Variants in ATP8B2 observed in about 807,000 individuals in gnomAD.
The protein encoded by ATP8B2 is phospholipid-transporting ATPase ID.
Under a neutral mutation model 133.4 loss-of-function variants are expected in ATP8B2, and 70 were observed. That is an observed-to-expected ratio of 0.52 (90% CI 0.43 to 0.64). The LOEUF (loss-of-function observed/expected upper bound fraction) is 0.64, where lower values mean the gene tolerates loss of function less well. ATP8B2 is among the 30% of genes least tolerant of loss of function. ATP8B2 has a pLI of 0.00. For synonymous variants in ATP8B2, 517 were observed against 589.5 expected (o/e 0.88, Z 1.78); for missense variants, 1,101 against 1,535.7 (o/e 0.72, Z 4.73).
intron 13 of ATP8B2, 33 bp downstream of exon 13, chr1:154,341,095 C>T (rs1251894634): frequency 6.2e-7 from 1 of 1,609,218 alleles, no homozygotes; most frequent in Non-Finnish European, 8.5e-7. Context: ...TGGGGGCTTG[C>T]ACCTCGCCTG....
Position 154,349,046 on chromosome 1 carries a change from G to C in ATP8B2, c.3501G>C (p.Glu1167Asp), listed in dbSNP as rs754013663. Residue 1167 changes from glutamate to aspartate, a missense_variant, in exon 28 of 28, where the codon GAG becomes GAC. Transcript: ENST00000368489. ...FTTRSSSSWIESLRRKKSDSA... is the reference protein window; with the variant it reads ...FTTRSSSSWIDSLRRKKSDSA... ...CCCGCTCCAGCTCCAGCTGGATTGA[G>C]AGCCTGCGCAGGAAGAAGAGTGACA... is the stretch of plus-strand genomic sequence containing the variant. The C allele has an allele frequency of 6.2e-7, 1 of 1,614,248 alleles. No homozygotes were observed. The highest frequency in any genetic ancestry group is 1.1e-5 in the South Asian group (1 of 91,090).
rs1473901002 is a variant in ATP8B2 at position 154,343,824 on chromosome 1, A to G, written c.1759-69A>G. The G allele has an allele frequency of 2.0e-6, 3 of 1,517,872 alleles. No homozygotes were observed. The highest frequency in any genetic ancestry group is 1.8e-6 in the Non-Finnish European group (2 of 1,124,206). 94.0% of individuals were successfully genotyped at this position (1,517,872 alleles called of 1,614,324 possible). ...CCCAGTCTACAGTGCAGGATTATTC[A>G]TTGTCGCCCTCACGCTGTCCATTAG... On this transcript the variant is annotated intron_variant, in intron 17 of 27. Transcript: ENST00000368489. This position sits in a 1 kb window ranked among gnomAD's most constrained non-coding sequence, Gnocchi z 5.8.
Position 154,351,257 on chromosome 1 carries a change from T to G in ATP8B2, c.*2139T>G, listed in dbSNP as rs1384144756. 3 of 152,518 alleles carry G rather than the reference T, an allele frequency of 2.0e-5. No individual in the cohort carries two copies. In the East Asian group the frequency reaches 5.8e-4, roughly 29 times the overall value. 9.4% of individuals were successfully genotyped at this position (152,518 alleles called of 1,614,324 possible). On this transcript the variant is annotated 3_prime_UTR_variant, in exon 28 of 28. Transcript: ENST00000368489. ...CTATACTTGCAAAAATTATATCATT[T>G]TATGGATATAAGAGAAAAATGCCTT...
chr1:154,339,593 T>G (rs1367398416), intron 12 of ATP8B2, among the ~76,000 whole-genome samples: 1 of 152,170 alleles, frequency 6.6e-6, no homozygotes, highest in African/African-American at 2.4e-5. Context: ...TTGAAGCCCT[T>G]GGGAGCAGCT....
At chr1:154,337,794 T>A in intron 12 of ATP8B2, 1 of 1,401,266 alleles carries the variant, frequency 7.1e-7, no homozygotes, top group Non-Finnish European at 9.4e-7. Context: ...ACATGCCTAC[T>A]GTGTACAAAG....
chr1:154,333,343 A>G (rs1686066848), intron 9 of ATP8B2, among the ~76,000 whole-genome samples: 1 of 151,430 alleles, frequency 6.6e-6, no homozygotes, highest in Non-Finnish European at 1.5e-5. Context: ...AAAGAAAAAA[A>G]AAATACAAAA....
intron 11 of ATP8B2, 58 bp from the exon 12 acceptor site, chr1:154,337,290 C>A (rs1686220270): frequency 6.4e-7 from 1 of 1,555,482 alleles, no homozygotes; most frequent in Non-Finnish European, 8.7e-7. Context: ...CACAGATGCA[C>A]TTGGTTTTGA....
At chr1:154,342,415 T>A (rs926617400) in intron 13 of ATP8B2, 65 bp from the exon 14 acceptor site, 22 of 1,531,516 alleles carry the variant, frequency 1.4e-5, no homozygotes, top group Non-Finnish European at 1.9e-5. Flanking sequence ...ATTGGAGATG[T>A]TTTTCCATGC....
chr1:154,346,481 G>A lies in ATP8B2; in HGVS notation c.3024+5G>A, dbSNP rs374936664. 1.2e-6 allele frequency: 2 copies of A among 1,609,994 alleles called. No homozygotes were observed. Among genetic ancestry groups the A allele is most frequent in the African/African-American group, 2.7e-5 (2 of 74,870 alleles). On this transcript the variant is annotated splice_donor_5th_base_variant and intron_variant, in intron 25 of 27. Transcript: ENST00000368489. This position sits in a 1 kb window ranked among gnomAD's most constrained non-coding sequence, Gnocchi z 4.5. The stretch of plus-strand genomic sequence containing the variant: ...GTCATTGTGGTTAGCGTGCAGGTAT[G>A]AGGCCATCCAGGAACTCCCCTCTTC...
chr1:154,342,124 G>T (rs1170844736), intron 13 of ATP8B2, among the ~76,000 whole-genome samples: 2 of 152,032 alleles, frequency 1.3e-5, no homozygotes, highest in Non-Finnish European at 2.9e-5. Context: ...GATGCCTTTC[G>T]GTCAGTGTCT....
Position 154,331,786 on chromosome 1 carries a change from A to T in ATP8B2, c.438+108A>T. ...TGCCTCTTAAACACCCGTGGCAGGA[A>T]TCTTTCTCACACCAGGGGCTTCTGT... On this transcript the variant is annotated intron_variant, in intron 7 of 27. Coordinates refer to ENST00000368489, the MANE Select transcript of ATP8B2 (RefSeq NM_001370597.1). The surrounding 1 kb of genome is among the most constrained non-coding windows in gnomAD (Gnocchi z 4.8). 1 of 1,365,492 alleles carries T rather than the reference A, an allele frequency of 7.3e-7. No homozygotes were observed. 84.6% of individuals were successfully genotyped at this position (1,365,492 alleles called of 1,614,324 possible).
intron 11 of ATP8B2, among the ~76,000 whole-genome samples, chr1:154,336,937 G>A (rs1686205403): frequency 6.6e-6 from 1 of 151,126 alleles, no homozygotes; most frequent in Non-Finnish European, 1.5e-5. Flanking sequence ...TGAGACTACA[G>A]GCAAGTGCCA....
chr1:154,327,981 G>C, intron 1 of ATP8B2, 124 bp from the exon 2 acceptor site: 1 of 1,511,842 alleles, frequency 6.6e-7, no homozygotes, highest in East Asian at 2.3e-5. Flanking sequence ...GAGAGACTGG[G>C]AGAAGGAGGC....
In ATP8B2 at chr1:154,343,801, C is replaced by CTGGGT; in HGVS notation, c.1759-92_1759-91insTGGGT. 2.1e-6 allele frequency: 3 copies of CTGGGT among 1,422,430 alleles called. No homozygotes were observed. Among genetic ancestry groups the CTGGGT allele is most frequent in the Non-Finnish European group, 2.9e-6 (3 of 1,047,836 alleles). The allele number at this position is 1,422,430 out of a possible 1,614,324, so 88.1% of individuals were successfully genotyped here. ...CTAACTGTGGAATGTGGCACACACC[C>CTGGGT]AGTCTACAGTGCAGGATTATTCATT... On this transcript the variant is annotated intron_variant, in intron 17 of 27. Coordinates refer to ENST00000368489, the MANE Select transcript of ATP8B2 (RefSeq NM_001370597.1). The surrounding 1 kb of genome is among the most constrained non-coding windows in gnomAD (Gnocchi z 5.8).
In ATP8B2 at chr1:154,340,821, C is replaced by A. The variant is rs2297608; in HGVS notation, c.1035-33C>A. 5.6e-6 allele frequency: 9 copies of A among 1,607,178 alleles called. No homozygotes were observed. The South Asian group carries it at 9.9e-5, about 18-fold the overall frequency. On this transcript the variant is annotated intron_variant, in intron 12 of 27. Transcript: ENST00000368489. This position sits in a 1 kb window ranked among gnomAD's most constrained non-coding sequence, Gnocchi z 4.0. ...TGGGTGGGGCACCTCCTCTTCTTCC[C>A]GACCCAAGCCTCACCTCTTGTCCCC...
In ATP8B2 at chr1:154,346,872, AT is replaced by A; in HGVS notation, c.3163+118del. The A allele has an allele frequency of 2.0e-6, 2 of 1,009,896 alleles. No individual in the cohort carries two copies. The highest frequency in any genetic ancestry group is 1.6e-5 in the African/African-American group (1 of 60,904). 62.6% of individuals were successfully genotyped at this position (1,009,896 alleles called of 1,614,324 possible). A position where few individuals can be genotyped will look rare whatever the true frequency, so the allele number is the denominator to read the frequency against. ...TTCTTATGTGCCAAGTATTCTGTTT[AT>A]TTTATTTATTTATTTATTTATTTTC... On this transcript the variant is annotated intron_variant, in intron 26 of 27. Coordinates refer to ENST00000368489, the MANE Select transcript of ATP8B2 (RefSeq NM_001370597.1). This position sits in a 1 kb window ranked among gnomAD's most constrained non-coding sequence, Gnocchi z 4.5.
At position 154,328,239 on chromosome 1, in the gene ATP8B2, C is replaced by T; in HGVS notation, c.31+67C>T. 1 of 1,517,648 alleles carries T rather than the reference C, an allele frequency of 6.6e-7. No homozygotes were observed. Among genetic ancestry groups the T allele is most frequent in the Non-Finnish European group, 9.1e-7 (1 of 1,093,748 alleles). The allele number at this position is 1,517,648 out of a possible 1,614,324, so 94.0% of individuals were successfully genotyped here. ...GTGGGTGTTGTTATGGCTCAGGGAGCAAAAGGAAAAGGGACAACTGGTATG... is the reference window on the plus strand; with the variant it reads ...GTGGGTGTTGTTATGGCTCAGGGAGTAAAAGGAAAAGGGACAACTGGTATG... On this transcript the variant is annotated intron_variant, in intron 2 of 27. Transcript: ENST00000368489. This position sits in a 1 kb window ranked among gnomAD's most constrained non-coding sequence, Gnocchi z 4.6.
At position 154,345,619 on chromosome 1, in the gene ATP8B2, TCA is replaced by T; in HGVS notation, c.2694+75_2694+76del. On this transcript the variant is annotated intron_variant, in intron 23 of 27. Coordinates refer to ENST00000368489, the MANE Select transcript of ATP8B2 (RefSeq NM_001370597.1). The surrounding 1 kb of genome is among the most constrained non-coding windows in gnomAD (Gnocchi z 5.6). Reference sequence around the variant, plus strand: ...GCAGAGGTTCTGTCTTGTTTATCACTCAGTCCCCCAGGGCCTAGCTATTTTCT... The same window carrying T: ...GCAGAGGTTCTGTCTTGTTTATCACTGTCCCCCAGGGCCTAGCTATTTTCT... 1 of 1,422,858 alleles carries T rather than the reference TCA, an allele frequency of 7.0e-7. No individual in the cohort carries two copies. Among genetic ancestry groups the T allele is most frequent in the Non-Finnish European group, 9.8e-7 (1 of 1,024,730 alleles). The allele number at this position is 1,422,858 out of a possible 1,614,324, so 88.1% of individuals were successfully genotyped here. A position where few individuals can be genotyped will look rare whatever the true frequency, so the allele number is the denominator to read the frequency against.
chr1:154,339,920 G>A (rs983616238), intron 12 of ATP8B2, among the ~76,000 whole-genome samples: 4 of 152,164 alleles, frequency 2.6e-5, no homozygotes, highest in Non-Finnish European at 4.4e-5. Flanking sequence ...GGTGGCTGTC[G>A]CCTGTAATCC....
Sources: gnomAD v4.1 joint callset for allele counts (sites outside exome capture counted in the v4.1 genomes callset) on GRCh38, gnomAD v4.1.1 for gene constraint, Gnocchi (gnomAD v3.1) non-coding constraint, MANE v1.5 for transcripts, NCBI Gene and HGNC (gene_info 2026-07-23, HGNC 2026-07-21) for gene names.